The following ROR2 variants were observed in gnomAD, a reference collection of about 807,000 sequenced individuals.
ROR2 encodes the protein ROR family WNT receptor 2, also known as tyrosine-protein kinase transmembrane receptor ROR2.
Under a neutral mutation model 74.9 loss-of-function variants are expected in ROR2, and 33 were observed. That is an observed-to-expected ratio of 0.44 (90% CI 0.33 to 0.59). The LOEUF (loss-of-function observed/expected upper bound fraction) is 0.59, where lower values mean the gene tolerates loss of function less well. Ranked by LOEUF, ROR2 falls within the 20% of genes least tolerant of loss-of-function variation. ROR2 has a pLI of 0.02. For synonymous variants in ROR2, 586 were observed against 558.7 expected, an observed-to-expected ratio of 1.05 and a Z score of -0.69; for missense variants, 1,216 against 1,313.8, an observed-to-expected ratio of 0.93 and a Z score of 1.15.
At chr9:91,929,782 C>T (rs547049930) in intron 1 of ROR2, among the ~76,000 whole-genome samples, 39 of 152,206 alleles carry the variant, frequency 2.6e-4, no homozygotes, top group African/African-American at 8.9e-4. Flanking sequence ...AACACACCTC[C>T]ATAAACCCCA....
intron 1 of ROR2, among the ~76,000 whole-genome samples, chr9:91,900,610 G>C (rs1239242960): frequency 2.0e-5 from 3 of 152,212 alleles, no homozygotes; most frequent in Non-Finnish European, 4.4e-5. Flanking sequence ...TGCTGACAGT[G>C]AACCAGGACA....
chr9:91,857,924 G>A (rs1224501440), intron 1 of ROR2, among the ~76,000 whole-genome samples: 4 of 152,194 alleles, frequency 2.6e-5, no homozygotes, highest in Non-Finnish European at 5.9e-5. Flanking sequence ...AAATGAACAG[G>A]AGAAAATAAA....
At chr9:91,886,555 G>C (rs574913989) in intron 1 of ROR2, 3 of 152,528 alleles carry the variant, frequency 2.0e-5, no homozygotes, top group Non-Finnish European at 2.9e-5. Flanking sequence ...CCTCACGAGG[G>C]GACCCGCGAC....
At chr9:91,791,776 GT>G (rs1826989121) in intron 1 of ROR2, among the ~76,000 whole-genome samples, 1 of 152,056 alleles carries the variant, frequency 6.6e-6, no homozygotes, top group Non-Finnish European at 1.5e-5. Context: ...CAGAATGTAT[GT>G]TTTTCCTAAG....
intron 1 of ROR2, among the ~76,000 whole-genome samples, chr9:91,894,337 CAT>C (rs1486352116): frequency 6.6e-6 from 1 of 152,194 alleles, no homozygotes; most frequent in Non-Finnish European, 1.5e-5. Context: ...GGCATCATAA[CAT>C]GTGTGTCTGC....
chr9:91,742,815 A>C (rs1180075344), intron 4 of ROR2, among the ~76,000 whole-genome samples: 1 of 152,196 alleles, frequency 6.6e-6, no homozygotes, highest in Non-Finnish European at 1.5e-5. Flanking sequence ...CTGACTCACC[A>C]GCAACAGCTT....
rs144447132 is a variant in ROR2 at position 91,726,627 on chromosome 9, C to G, written c.1300G>C (p.Ala434Pro). Residue 434 changes from alanine (A) to proline (P), a missense_variant, in exon 8 of 9, where the codon GCA (alanine) becomes CCA (proline). Transcript: ENST00000375708. Reference sequence around the variant, plus strand: ...CGCCGCTGCGGTGTGGACGCAGATGCCTTCTGCTTATTCCGGCACATGCAA... The same window carrying G: ...CGCCGCTGCGGTGTGGACGCAGATGGCTTCTGCTTATTCCGGCACATGCAA... ...LVCMCRNKQKASASTPQRRQL... is the reference protein window; with the variant it reads ...LVCMCRNKQKPSASTPQRRQL... 6.4e-5 allele frequency: 103 copies of G among 1,613,900 alleles called. No homozygotes were observed. Among genetic ancestry groups the G allele is most frequent in the Non-Finnish European group, 7.8e-5 (92 of 1,180,026 alleles).
At chr9:91,915,827 T>A (rs1792559129) in intron 1 of ROR2, among the ~76,000 whole-genome samples, 1 of 152,226 alleles carries the variant, frequency 6.6e-6, no homozygotes, top group South Asian at 2.1e-4. Flanking sequence ...TAATTGGTGC[T>A]TTTTACAATC....
chr9:91,782,666 G>C (rs1363031293), intron 1 of ROR2, among the ~76,000 whole-genome samples: 1 of 151,298 alleles, frequency 6.6e-6, no homozygotes, highest in Non-Finnish European at 1.5e-5. Flanking sequence ...GTCCTGGGCT[G>C]CATGTGCCAC....
At chr9:91,921,735 C>T (rs544326286) in intron 1 of ROR2, among the ~76,000 whole-genome samples, 1 of 151,990 alleles carries the variant, frequency 6.6e-6, no homozygotes, top group African/African-American at 2.4e-5. Context: ...TGGCGGCGCA[C>T]GCCTGTAGTC....
rs190711320 is a variant in ROR2, at chr9:91,903,245, C to T, written c.97+46622G>A. Among the ~76,000 whole-genome samples, 5 of 152,144 alleles carry T rather than the reference C, an allele frequency of 3.3e-5. No homozygotes were observed. In the East Asian group the frequency reaches 7.7e-4, roughly 24 times the overall value. Reference sequence around the variant, plus strand: ...AGCAACAGGATTTTTTTTCTGTGCCCCTGACTGCAGTCGGCCCAGGAGGAA... The same window carrying T: ...AGCAACAGGATTTTTTTTCTGTGCCTCTGACTGCAGTCGGCCCAGGAGGAA... On this transcript the variant is annotated intron_variant, in intron 1 of 8. Coordinates refer to ENST00000375708, the MANE Select transcript of ROR2 (RefSeq NM_004560.4).
chr9:91,756,867 C>CA (rs1309457103), intron 3 of ROR2, among the ~76,000 whole-genome samples: 1 of 151,118 alleles, frequency 6.6e-6, no homozygotes, highest in African/African-American at 2.4e-5. Context: ...TCTCCTGCCT[C>CA]AGCCTCCTGA....
At chr9:91,867,003 A>G (rs949277121) in intron 1 of ROR2, among the ~76,000 whole-genome samples, 3 of 152,214 alleles carry the variant, frequency 2.0e-5, no homozygotes, top group African/African-American at 7.2e-5. Context: ...TCTGATCAAA[A>G]TATCTTGAGG....
At chr9:91,945,127 A>G (rs1183721532) in intron 1 of ROR2, among the ~76,000 whole-genome samples, 2 of 152,122 alleles carry the variant, frequency 1.3e-5, no homozygotes, top group Non-Finnish European at 2.9e-5. Flanking sequence ...CTACCAATTC[A>G]ATGCAACCTC....
At position 91,873,536 on chromosome 9, in the gene ROR2, C is replaced by T. The variant is rs1432172672; in HGVS notation, c.97+76331G>A. 9.9e-5 allele frequency among the ~76,000 whole-genome samples: 15 copies of T among 152,096 alleles called. 1 individual carries two copies. In the South Asian group the frequency reaches 2.9e-3, roughly 29 times the overall value. On this transcript the variant is annotated intron_variant, in intron 1 of 8. Transcript: ENST00000375708. ...CCGGGAGGCGGAGGTTGCAGTGAGCCAAGATCGTGCCACTGCACTCCAGCC... is the reference window on the plus strand; with the variant it reads ...CCGGGAGGCGGAGGTTGCAGTGAGCTAAGATCGTGCCACTGCACTCCAGCC...
In ROR2 at chr9:91,724,528, T is replaced by C. The variant is rs1239750233; in HGVS notation, c.1966A>G (p.Ile656Val). 6.8e-6 allele frequency: 11 copies of C among 1,614,168 alleles called. No homozygotes were observed. The Admixed American group carries it at 1.5e-4, about 22-fold the overall frequency. ...ATGGCCTCTGGGGCCATCCAGCGGA[T>C]AGGCAGCAGCGAGTTCCCCAGCAGC... ...YKLLGNSLLP[I>V]RWMAPEAIMY... Residue 656 changes from isoleucine to valine, a missense_variant, in exon 9 of 9, where the codon ATC becomes GTC. Physicochemically the swap from Ile to Val is conservative, Grantham distance 29. Transcript: ENST00000375708.
chr9:91,898,927 A>G (rs1388096641), intron 1 of ROR2, among the ~76,000 whole-genome samples: 2 of 152,210 alleles, frequency 1.3e-5, no homozygotes, highest in Admixed American at 6.5e-5. Flanking sequence ...AAGAAGCCTC[A>G]GACACCCGAT....
At chr9:91,921,926 G>C (rs1025015892) in intron 1 of ROR2, among the ~76,000 whole-genome samples, 2 of 148,256 alleles carry the variant, frequency 1.3e-5, no homozygotes, top group African/African-American at 5.1e-5. Context: ...GGTGAGATTG[G>C]GCAAAGGATC....
At chr9:91,870,707 A>G (rs1457090121) in intron 1 of ROR2, among the ~76,000 whole-genome samples, 8 of 152,382 alleles carry the variant, frequency 5.2e-5, no homozygotes, top group Admixed American at 1.3e-4. Context: ...AAAAAACCTC[A>G]TATTTCAACA....
Sources: allele counts gnomAD v4.1 joint callset (sites outside exome capture counted in the v4.1 genomes callset), GRCh38; gene constraint gnomAD v4.1.1; transcripts MANE v1.5; gene names NCBI Gene and HGNC (gene_info 2026-07-23, HGNC 2026-07-21).